Variants in MSRB3 observed in about 807,000 individuals in gnomAD.
MSRB3 encodes the protein methionine sulfoxide reductase B3.
In MSRB3, 13 loss-of-function variants were observed where a neutral mutation model predicts 21.0. The observed-to-expected ratio is 0.62, with a 90% CI of 0.40 to 0.98. The LOEUF is 0.98. Ranked by LOEUF, MSRB3 falls within the 50% of genes least tolerant of loss-of-function variation. The probability of loss-of-function intolerance (pLI) is 0.00; values close to 1 mark genes in which losing one functional copy is unlikely to be tolerated. For synonymous variants in MSRB3, 87 were observed against 88.6 expected (o/e 0.98, Z 0.10); for missense variants, 199 against 230.3 (o/e 0.86, Z 0.88).
intron 4 of MSRB3, among the ~76,000 whole-genome samples, chr12:65,368,584 T>C (rs2136532473): frequency 6.6e-6 from 1 of 152,338 alleles, no homozygotes; most frequent in East Asian, 1.9e-4. Context: ...TGCTGTGTGC[T>C]AAGAACTTAG....
chr12:65,346,689 G>A (rs991899353), intron 4 of MSRB3, among the ~76,000 whole-genome samples: 3 of 152,130 alleles, frequency 2.0e-5, no homozygotes, highest in African/African-American at 7.2e-5. Context: ...GTATTGCCTA[G>A]ATTTTCTTCT....
At chr12:65,435,417 T>A (rs1882070472) in intron 5 of MSRB3, among the ~76,000 whole-genome samples, 1 of 151,956 alleles carries the variant, frequency 6.6e-6, no homozygotes, top group Admixed American at 6.6e-5. Flanking sequence ...ATGTTTTTAA[T>A]GCTTTATTAT....
intron 1 of MSRB3, among the ~76,000 whole-genome samples, chr12:65,281,103 C>A (rs539011498): frequency 6.6e-6 from 1 of 152,122 alleles, no homozygotes; most frequent in South Asian, 2.1e-4. Flanking sequence ...GTGGCTCACT[C>A]CTGTGGTCTC....
intron 1 of MSRB3, among the ~76,000 whole-genome samples, chr12:65,296,425 G>T (rs1228886004): frequency 6.6e-6 from 1 of 152,136 alleles, no homozygotes; most frequent in Non-Finnish European, 1.5e-5. Flanking sequence ...TTTCAAAAAC[G>T]TTCTCTCATT....
intron 5 of MSRB3, among the ~76,000 whole-genome samples, chr12:65,388,408 C>G (rs1879302002): frequency 6.6e-6 from 1 of 152,128 alleles, no homozygotes; most frequent in South Asian, 2.1e-4. Context: ...GTTTCTTCCA[C>G]CAGGTTCCTT....
At chr12:65,282,774 C>T (rs1453704606) in intron 1 of MSRB3, among the ~76,000 whole-genome samples, 1 of 150,834 alleles carries the variant, frequency 6.6e-6, no homozygotes, top group South Asian at 2.1e-4. Flanking sequence ...TATTATTGAG[C>T]CTTGATCCTA....
intron 1 of MSRB3, among the ~76,000 whole-genome samples, chr12:65,291,637 T>C (rs1225394409): frequency 6.6e-6 from 1 of 152,178 alleles, no homozygotes; most frequent in Non-Finnish European, 1.5e-5. Flanking sequence ...TTATCTAATC[T>C]GAGGTTACAG....
intron 5 of MSRB3, among the ~76,000 whole-genome samples, chr12:65,370,496 C>A (rs997172920): frequency 2.0e-5 from 3 of 152,086 alleles, no homozygotes; most frequent in Non-Finnish European, 4.4e-5. Flanking sequence ...AAAATGAATA[C>A]GTCCACTAGG....
At chr12:65,288,781 A>T (rs755416601) in intron 1 of MSRB3, among the ~76,000 whole-genome samples, 1 of 151,988 alleles carries the variant, frequency 6.6e-6, no homozygotes, top group Non-Finnish European at 1.5e-5. Context: ...AATATATTTA[A>T]CTCTTAAGGT....
At chr12:65,359,977 A>G (rs1877607378) in intron 4 of MSRB3, among the ~76,000 whole-genome samples, 1 of 151,962 alleles carries the variant, frequency 6.6e-6, no homozygotes, top group Non-Finnish European at 1.5e-5. Flanking sequence ...TGGAGGGTTG[A>G]AGTCCAAGAT....
intron 2 of MSRB3, among the ~76,000 whole-genome samples, chr12:65,315,027 A>G (rs944599493): frequency 6.6e-6 from 1 of 152,206 alleles, no homozygotes; most frequent in African/African-American, 2.4e-5. Flanking sequence ...TGAGCCATGA[A>G]TGACAGCTCA....
At chr12:65,293,653 G>A (rs1592495412) in intron 1 of MSRB3, among the ~76,000 whole-genome samples, 1 of 152,192 alleles carries the variant, frequency 6.6e-6, no homozygotes, top group East Asian at 1.9e-4. Context: ...TCCCTCTGTT[G>A]TATAGGATCT....
At chr12:65,440,486 A>T (rs532203404) in intron 5 of MSRB3, among the ~76,000 whole-genome samples, 22 of 152,022 alleles carry the variant, frequency 1.4e-4, no homozygotes, top group Admixed American at 1.4e-3. Flanking sequence ...TAATTGTGTG[A>T]AACAGCCATT....
At chr12:65,282,001 C>G (rs1212827485) in intron 1 of MSRB3, 1 of 152,192 alleles carries the variant, frequency 6.6e-6, no homozygotes, top group Non-Finnish European at 1.5e-5. Flanking sequence ...CTTTCCTGCC[C>G]ATGATGGGTT....
In MSRB3 at chr12:65,328,594, C is replaced by T. The variant is rs200118212; in HGVS notation, c.254C>T (p.Pro85Leu). 3 of 1,609,880 alleles carry T rather than the reference C, an allele frequency of 1.9e-6. No homozygotes were observed. The highest frequency in any genetic ancestry group is 2.6e-6 in the Non-Finnish European group (3 of 1,176,448). ...TATAAATGTGTTGTTTGTGGAACTC[C>T]ATTGTTTAAGTAAGTATGTTGAAAA... is the stretch of plus-strand genomic sequence containing the variant. Reference protein sequence around the residue: ...GIYKCVVCGTPLFKSETKFDS... With the variant: ...GIYKCVVCGTLLFKSETKFDS... Residue 85 changes from proline to leucine, a missense_variant, in exon 4 of 7, where the codon CCA becomes CTA. Coordinates refer to ENST00000308259, the MANE Select transcript of MSRB3 (RefSeq NM_001031679.3).
At chr12:65,362,189 C>T (rs1020743175) in intron 4 of MSRB3, among the ~76,000 whole-genome samples, 2 of 152,134 alleles carry the variant, frequency 1.3e-5, no homozygotes, top group East Asian at 3.9e-4. Context: ...CTGTGATTCT[C>T]TTGGTGTCCC....
rs138519440 is a variant in MSRB3 at position 65,459,860 on chromosome 12, T to A, written c.391-3295T>A. On this transcript the variant is annotated intron_variant, in intron 6 of 6. Coordinates refer to ENST00000308259, the MANE Select transcript of MSRB3 (RefSeq NM_001031679.3). ...CAGATTTTAAGGAATTATGTTAAAC[T>A]TGATGCTCAAACACTTATTTTAGGG... Among the ~76,000 whole-genome samples the A allele has an allele frequency of 8.5e-3, 1,299 of 152,306 alleles. 21 individuals are homozygous for A. Among genetic ancestry groups the A allele is most frequent in the African/African-American group, 0.029 (1,225 of 41,552 alleles).
At chr12:65,439,098 T>C (rs1401429613) in intron 5 of MSRB3, among the ~76,000 whole-genome samples, 1 of 151,666 alleles carries the variant, frequency 6.6e-6, no homozygotes, top group Non-Finnish European at 1.5e-5. Flanking sequence ...GGTTAAAACA[T>C]ACTAGGCCAA....
chr12:65,389,596 A>G (rs1879369052), intron 5 of MSRB3, among the ~76,000 whole-genome samples: 1 of 152,144 alleles, frequency 6.6e-6, no homozygotes, highest in South Asian at 2.1e-4. Context: ...CCAATCAACA[A>G]CTGAGTGTCT....
Sources: allele counts gnomAD v4.1 joint callset (sites outside exome capture counted in the v4.1 genomes callset), GRCh38; gene constraint gnomAD v4.1.1; transcripts MANE v1.5; gene names NCBI Gene and HGNC (gene_info 2026-07-23, HGNC 2026-07-21).